Variants in NAV3 observed in about 807,000 individuals in gnomAD.
The protein encoded by NAV3 is pore membrane and/or filament interacting like protein 1.
A neutral mutation model predicts 244.7 loss-of-function variants in NAV3; 87 were observed. The observed-to-expected ratio is 0.36, with a 90% CI of 0.30 to 0.42. The LOEUF (loss-of-function observed/expected upper bound fraction) is 0.42. Ranked by LOEUF, NAV3 falls within the 20% of genes least tolerant of loss-of-function variation. The pLI, the probability that NAV3 is intolerant of heterozygous loss-of-function variation, is 1.00. For synonymous variants in NAV3, 1,126 were observed against 1,042.2 expected, an observed-to-expected ratio of 1.08 and a Z score of -1.55; for missense variants, 2,663 against 2,893.3, an observed-to-expected ratio of 0.92 and a Z score of 1.83.
intron 2 of NAV3, among the ~76,000 whole-genome samples, chr12:77,716,194 A>C (rs1181638572): frequency 1.3e-5 from 2 of 152,000 alleles, no homozygotes; most frequent in African/African-American, 4.8e-5. Context: ...GTTTAAATTA[A>C]ATGTCATGAT....
At chr12:78,045,581 C>T (rs1264563331) in intron 9 of NAV3, among the ~76,000 whole-genome samples, 1 of 152,202 alleles carries the variant, frequency 6.6e-6, no homozygotes, top group Non-Finnish European at 1.5e-5. Flanking sequence ...GCATGAGCCA[C>T]TGCACCTGGC....
In NAV3 at chr12:77,659,612, A is replaced by G. The variant is rs896567709; in HGVS notation, c.72+87346A>G. Among the ~76,000 whole-genome samples the G allele has an allele frequency of 7.3e-3, 1,113 of 152,312 alleles. 19 individuals carry two copies. Among genetic ancestry groups the G allele is most frequent in the African/African-American group, 0.025 (1,059 of 41,570 alleles). ...TGACCCAGCCATCCCATTACTGGGT[A>G]TATACCCAAAGGACTATAAATCATA... On this transcript the variant is annotated intron_variant, in intron 2 of 8. Coordinates refer to the NAV3 transcript ENST00000550042.
intron 2 of NAV3, among the ~76,000 whole-genome samples, chr12:77,597,463 A>G (rs1312573442): frequency 2.0e-5 from 3 of 152,074 alleles, no homozygotes; most frequent in Admixed American, 2.0e-4. Flanking sequence ...ATTTTCAGTG[A>G]CGCTAAGAAA....
chr12:77,753,506 T>C (rs7309544), intron 2 of NAV3, among the ~76,000 whole-genome samples: 80,096 of 152,008 alleles, frequency 0.53, 21,963 homozygotes, highest in African/African-American at 0.69. Context: ...ATGTGTGTTC[T>C]ATCTCCATCT....
intron 1 of NAV3, among the ~76,000 whole-genome samples, chr12:77,915,157 G>A (rs1886999602): frequency 6.6e-6 from 1 of 151,886 alleles, no homozygotes; most frequent in Non-Finnish European, 1.5e-5. Context: ...CTGACCAGCT[G>A]CACATTTTCT....
At chr12:77,870,250 A>G (rs1230009127) in intron 1 of NAV3, among the ~76,000 whole-genome samples, 1 of 151,490 alleles carries the variant, frequency 6.6e-6, no homozygotes, top group Non-Finnish European at 1.5e-5. Context: ...CTGTAGTCCC[A>G]GCTACTTGGG....
At chr12:78,137,427 T>C (rs300462) in intron 19 of NAV3, 62 bp downstream of exon 19, 990,127 of 1,455,782 alleles carry the variant, frequency 0.68, 339,114 homozygotes, top group African/African-American at 0.76. Flanking sequence ...GGGAAACCAT[T>C]GTGTCACTCA....
intron 5 of NAV3, among the ~76,000 whole-genome samples, chr12:77,989,484 A>G (rs1871101913): frequency 6.6e-6 from 1 of 152,156 alleles, no homozygotes; most frequent in South Asian, 2.1e-4. Context: ...CAAACAAACA[A>G]AAATAAATTG....
intron 2 of NAV3, among the ~76,000 whole-genome samples, chr12:77,808,551 C>T (rs1182854100): frequency 1.3e-5 from 2 of 152,150 alleles, no homozygotes; most frequent in Non-Finnish European, 2.9e-5. Flanking sequence ...CTGGAAGCTT[C>T]GTTCCAGAGG....
rs564001067 is a variant in NAV3, at chr12:78,145,943, C to A, written c.4684-426C>A. The stretch of plus-strand genomic sequence containing the variant: ...ACAGAATAAAATTCTGACATCTAAA[C>A]CTTGGCTAGAGGTCTCTATAATTTT... On this transcript the variant is annotated intron_variant, in intron 20 of 39. Transcript: ENST00000397909. 3.3e-5 allele frequency among the ~76,000 whole-genome samples: 5 copies of A among 152,186 alleles called. No homozygotes were observed. In the South Asian group the frequency reaches 1.0e-3, roughly 32 times the overall value.
intron 2 of NAV3, among the ~76,000 whole-genome samples, chr12:77,695,036 T>C (rs1445312118): frequency 1.7e-4 from 26 of 152,182 alleles, no homozygotes; most frequent in Non-Finnish European, 2.9e-5. Flanking sequence ...CAGAAGCTGC[T>C]CTAAGAACTT....
intron 2 of NAV3, among the ~76,000 whole-genome samples, chr12:77,728,276 G>A (rs1213775450): frequency 6.6e-6 from 1 of 151,938 alleles, no homozygotes; most frequent in Admixed American, 6.6e-5. Context: ...ATGATTTGTG[G>A]TCAAAAGTGT....
intron 2 of NAV3, among the ~76,000 whole-genome samples, chr12:77,687,828 G>A (rs1167576580): frequency 6.6e-6 from 1 of 151,958 alleles, no homozygotes; most frequent in Non-Finnish European, 1.5e-5. Flanking sequence ...TTGTATTACG[G>A]CTTAATAGCA....
At chr12:77,785,459 G>A (rs1870861430) in intron 2 of NAV3, among the ~76,000 whole-genome samples, 1 of 152,014 alleles carries the variant, frequency 6.6e-6, no homozygotes, top group Admixed American at 6.6e-5. Context: ...CTTCCTAAGA[G>A]GCATTAAGGT....
chr12:77,769,805 A>G (rs769915999), intron 2 of NAV3, among the ~76,000 whole-genome samples: 8 of 152,196 alleles, frequency 5.3e-5, no homozygotes, highest in Non-Finnish European at 8.8e-5. Context: ...TCCTGTATTG[A>G]TATCTTTTAG....
At chr12:77,728,927 C>T (rs1424882464) in intron 2 of NAV3, among the ~76,000 whole-genome samples, 5 of 151,888 alleles carry the variant, frequency 3.3e-5, no homozygotes. Context: ...TCAGCCTACT[C>T]AGCATGAAGA....
chr12:77,654,656 G>A (rs1357392201), intron 2 of NAV3, among the ~76,000 whole-genome samples: 14 of 152,190 alleles, frequency 9.2e-5, no homozygotes, highest in Middle Eastern at 3.4e-3. Flanking sequence ...TGCCTCCTCA[G>A]GTGGGTCCCT....
chr12:77,819,840 A>G (rs1872662404), intron 2 of NAV3, among the ~76,000 whole-genome samples: 3 of 152,266 alleles, frequency 2.0e-5, no homozygotes, highest in Middle Eastern at 3.4e-3. Context: ...AACGAGAAAG[A>G]TATTTTAGGG....
chr12:78,169,626 T>A (rs1957921634), intron 24 of NAV3, among the ~76,000 whole-genome samples: 1 of 151,758 alleles, frequency 6.6e-6, no homozygotes, highest in African/African-American at 2.4e-5. Flanking sequence ...TTATCTCTCT[T>A]TTCATTTCCA....
Sources: gnomAD v4.1 joint callset for allele counts (sites outside exome capture counted in the v4.1 genomes callset) on GRCh38, gnomAD v4.1.1 for gene constraint, MANE v1.5 for transcripts, NCBI Gene and HGNC (gene_info 2026-07-23, HGNC 2026-07-21) for gene names.